The following TMEFF2 variants were observed in gnomAD, a reference collection of about 807,000 sequenced individuals.
TMEFF2 encodes the protein transmembrane protein with EGF like and two follistatin like domains 2.
In TMEFF2, 28 loss-of-function variants were observed where a neutral mutation model predicts 53.8. That is an observed-to-expected ratio of 0.52 (90% confidence interval 0.39 to 0.71). The LOEUF (loss-of-function observed/expected upper bound fraction) is 0.71, where lower values mean the gene tolerates loss of function less well. Among genes scored for constraint, TMEFF2 ranks in the 30% least tolerant of loss-of-function variants. The pLI, the probability that TMEFF2 is intolerant of heterozygous loss-of-function variation, is 0.00. For missense variants in TMEFF2, 353 were observed against 455.2 expected, an observed-to-expected ratio of 0.78 and a Z score of 2.04; for synonymous variants, 162 against 166.3, an observed-to-expected ratio of 0.97 and a Z score of 0.20.
intron 4 of TMEFF2, chr2:192,177,557 C>T (rs1285761702): frequency 6.6e-6 from 1 of 150,830 alleles, no homozygotes; most frequent in Non-Finnish European, 1.5e-5. Flanking sequence ...TTCAGAACTG[C>T]AGTTATTTAA....
chr2:192,136,097 C>G (rs1690001170), intron 4 of TMEFF2, among the ~76,000 whole-genome samples: 2 of 152,090 alleles, frequency 1.3e-5, no homozygotes, highest in Non-Finnish European at 2.9e-5. Context: ...TCTCTTCACA[C>G]AGACGCGCAT....
intron 4 of TMEFF2, among the ~76,000 whole-genome samples, chr2:192,087,719 G>T (rs1168036567): frequency 1.3e-5 from 2 of 151,980 alleles, no homozygotes; most frequent in Admixed American, 6.6e-5. Context: ...ATGTACAGTG[G>T]GTGTGACACT....
At chr2:192,069,386 A>C (rs1327505150) in intron 4 of TMEFF2, among the ~76,000 whole-genome samples, 1 of 151,730 alleles carries the variant, frequency 6.6e-6, no homozygotes, top group Non-Finnish European at 1.5e-5. Flanking sequence ...CTTCATTTTA[A>C]ATCATCACAC....
chr2:192,081,068 A>C (rs765680199), intron 4 of TMEFF2, among the ~76,000 whole-genome samples: 9 of 152,234 alleles, frequency 5.9e-5, no homozygotes, highest in Non-Finnish European at 1.5e-5. Flanking sequence ...GTGATCAATG[A>C]AAGTAAGAAC....
intron 4 of TMEFF2, among the ~76,000 whole-genome samples, chr2:192,119,721 G>A (rs1009302196): frequency 6.6e-6 from 1 of 152,188 alleles, no homozygotes; most frequent in Non-Finnish European, 1.5e-5. Context: ...AGTACAGGGA[G>A]GGAGTTTGTT....
chr2:192,061,426 T>C (rs3902781), intron 4 of TMEFF2, among the ~76,000 whole-genome samples: 66,331 of 152,084 alleles, frequency 0.44, 15,523 homozygotes, highest in South Asian at 0.58. Flanking sequence ...AACACATTTT[T>C]ACACAGCATT....
intron 4 of TMEFF2, among the ~76,000 whole-genome samples, chr2:192,058,856 T>C (rs1457892241): frequency 6.6e-6 from 1 of 152,172 alleles, no homozygotes; most frequent in Non-Finnish European, 1.5e-5. Context: ...ATCCCAGCAT[T>C]AGTTCCTGTC....
At chr2:192,129,383 G>A (rs1574398679) in intron 4 of TMEFF2, among the ~76,000 whole-genome samples, 3 of 141,988 alleles carry the variant, frequency 2.1e-5, no homozygotes, top group Admixed American at 1.4e-4. Context: ...AAAAAAAAAA[G>A]AGCAATATCC....
At chr2:192,165,447 T>C (rs937494733) in intron 4 of TMEFF2, among the ~76,000 whole-genome samples, 1 of 152,152 alleles carries the variant, frequency 6.6e-6, no homozygotes, top group South Asian at 2.1e-4. Context: ...TCATTATAAG[T>C]ATATTAAAAC....
At chr2:192,065,563 TCTG>T (rs1688149419) in intron 4 of TMEFF2, among the ~76,000 whole-genome samples, 2 of 151,838 alleles carry the variant, frequency 1.3e-5, no homozygotes, top group African/African-American at 4.8e-5. Flanking sequence ...AATGCACATT[TCTG>T]CTATTTTAGT....
In TMEFF2 at chr2:192,057,616, G is replaced by A. The variant is rs1487619279; in HGVS notation, c.536+63C>T. 4 of 1,314,438 alleles carry A rather than the reference G, an allele frequency of 3.0e-6. No homozygotes were observed. The African/African-American group carries it at 4.4e-5, about 14-fold the overall frequency. The allele number at this position is 1,314,438 out of a possible 1,614,324, so 81.4% of individuals were successfully genotyped here. A position where few individuals can be genotyped will look rare whatever the true frequency, so the allele number is the denominator to read the frequency against. ...TGTCTTCTGTTGCAGAATGGTTGAT[G>A]GTGTTAAAAAGAAATTAATCACTGT... is the stretch of plus-strand genomic sequence containing the variant. On this transcript the variant is annotated intron_variant, in intron 5 of 9. Transcript: ENST00000272771.
intron 4 of TMEFF2, among the ~76,000 whole-genome samples, chr2:192,108,130 A>G (rs1166328719): frequency 6.6e-6 from 1 of 151,804 alleles, no homozygotes; most frequent in East Asian, 1.9e-4. Flanking sequence ...TTTTTAAAAA[A>G]CTTATTTTTA....
At chr2:192,157,159 A>G (rs1049054791) in intron 4 of TMEFF2, among the ~76,000 whole-genome samples, 1 of 152,064 alleles carries the variant, frequency 6.6e-6, no homozygotes, top group Non-Finnish European at 1.5e-5. Context: ...GAAAACTTTA[A>G]AATTTCTTTA....
chr2:192,133,624 A>G (rs1689917168), intron 4 of TMEFF2, among the ~76,000 whole-genome samples: 1 of 152,056 alleles, frequency 6.6e-6, no homozygotes, highest in South Asian at 2.1e-4. Context: ...TCCTATTCTC[A>G]ATACCTCCCT....
chr2:192,194,562 C>A lies in TMEFF2; in HGVS notation c.-38G>T. ...CAACTCTGCAGCAGCAAACGGCTTC[C>A]GAGGAACACAGGATCGCGGGGGCCG... is the stretch of plus-strand genomic sequence containing the variant. On this transcript the variant is annotated 5_prime_UTR_variant, in exon 1 of 10. An upstream open reading frame in the 5' UTR gains an earlier in-frame stop. Coordinates refer to ENST00000272771, the MANE Select transcript of TMEFF2 (RefSeq NM_016192.4). The surrounding 1 kb of genome is among the most constrained non-coding windows in gnomAD (Gnocchi z 4.2). 1.3e-6 allele frequency: 2 copies of A among 1,598,474 alleles called. No individual in the cohort carries two copies. Among genetic ancestry groups the A allele is most frequent in the South Asian group, 2.2e-5 (2 of 90,094 alleles).
At chr2:192,127,852 A>G (rs1574397187) in intron 4 of TMEFF2, among the ~76,000 whole-genome samples, 1 of 152,322 alleles carries the variant, frequency 6.6e-6, no homozygotes, top group African/African-American at 2.4e-5. Flanking sequence ...GAAATGTTCT[A>G]TCTACTCAAC....
chr2:191,984,969 A>G (rs1377753133), intron 7 of TMEFF2, among the ~76,000 whole-genome samples: 1 of 152,176 alleles, frequency 6.6e-6, no homozygotes, highest in Non-Finnish European at 1.5e-5. Context: ...ATGGGAAAAT[A>G]AAAATGTAGA....
intron 4 of TMEFF2, among the ~76,000 whole-genome samples, chr2:192,154,715 A>G (rs1316442538): frequency 6.6e-6 from 1 of 151,938 alleles, no homozygotes; most frequent in Non-Finnish European, 1.5e-5. Context: ...GTGATCGCCA[A>G]GGGACTGTTT....
chr2:192,139,514 T>C (rs1027017677), intron 4 of TMEFF2, among the ~76,000 whole-genome samples: 1 of 152,178 alleles, frequency 6.6e-6, no homozygotes, highest in Non-Finnish European at 1.5e-5. Context: ...CAAATCATTC[T>C]GGGTAATCAC....
Sources: allele counts gnomAD v4.1 joint callset (sites outside exome capture counted in the v4.1 genomes callset), GRCh38; gene constraint gnomAD v4.1.1; non-coding constraint Gnocchi (gnomAD v3.1); transcripts MANE v1.5; gene names NCBI Gene and HGNC (gene_info 2026-07-23, HGNC 2026-07-21).